Variants in TTC19 observed in about 807,000 individuals in gnomAD.
TTC19 encodes tetratricopeptide repeat protein 19, mitochondrial.
A neutral mutation model predicts 49.5 loss-of-function variants in TTC19; 38 were observed. That is an observed-to-expected ratio of 0.77 (90% CI 0.59 to 1.01). The LOEUF (loss-of-function observed/expected upper bound fraction) is 1.01. Ranked by LOEUF, TTC19 falls within the 50% of genes least tolerant of loss-of-function variation. TTC19 has a pLI of 0.00. For synonymous variants in TTC19, 204 were observed against 185.2 expected (o/e 1.10, Z -0.83); for missense variants, 475 against 477.7 (o/e 0.99, Z 0.05).
rs541260761 is a variant in TTC19 at position 16,027,621 on chromosome 17, T to G, written c.*99T>G. 1.2e-4 allele frequency: 168 copies of G among 1,438,952 alleles called. No homozygotes were observed. Among genetic ancestry groups the G allele is most frequent in the Non-Finnish European group, 1.5e-4 (159 of 1,035,190 alleles). The allele number at this position is 1,438,952 out of a possible 1,614,324, so 89.1% of individuals were successfully genotyped here. On this transcript the variant is annotated 3_prime_UTR_variant, in exon 10 of 10. Coordinates refer to ENST00000261647, the MANE Select transcript of TTC19 (RefSeq NM_017775.4). ...CGATCAATGGCTTAAATCTGTCGTT[T>G]TTGATATTCAGGTTTCCTCAATTTA...
At chr17:16,030,435 T>C (rs992608483), downstream of TTC19, 1 of 210,070 alleles carries the variant, frequency 4.8e-6, no homozygotes, top group Non-Finnish European at 9.7e-6. Context: ...TCATAATCTC[T>C]TTTATGGTAG....
At chr17:16,012,021 CTTTT>C (rs376780749) in intron 7 of TTC19, among the ~76,000 whole-genome samples, 1 of 146,548 alleles carries the variant, frequency 6.8e-6, no homozygotes. Flanking sequence ...TGAGGTTTAT[CTTTT>C]TTTTTTTCTC....
downstream of TTC19, chr17:16,032,330 G>A (rs1380127165): frequency 6.2e-7 from 1 of 1,614,086 alleles, no homozygotes; most frequent in South Asian, 1.1e-5. Flanking sequence ...CTCGTACTGT[G>A]CTGAGAGCAG....
At chr17:16,016,486 G>C (rs1971219668) in intron 7 of TTC19, among the ~76,000 whole-genome samples, 2 of 151,576 alleles carry the variant, frequency 1.3e-5, no homozygotes, top group Admixed American at 6.6e-5. Flanking sequence ...ATGTCTGTTA[G>C]GTCTAGTTGG....
At chr17:16,014,438 T>TA (rs1491324459) in intron 7 of TTC19, among the ~76,000 whole-genome samples, 2 of 152,226 alleles carry the variant, frequency 1.3e-5, no homozygotes, top group Non-Finnish European at 2.9e-5. Flanking sequence ...AGCTCCTGCT[T>TA]ATAGTTTTCT....
At chr17:16,024,462 A>ATTTTTTTTTTTTTT (rs71353766) in intron 7 of TTC19, 1 of 133,970 alleles carries the variant, frequency 7.5e-6, no homozygotes, top group African/African-American at 2.8e-5. Flanking sequence ...CGCCTGGCTA[A>ATTTTTTTTTTTTTT]TTTTTTTTTT....
chr17:16,041,861 C>T (rs548144685), intron 2 of TTC19, among the ~76,000 whole-genome samples: 44 of 152,118 alleles, frequency 2.9e-4, no homozygotes, highest in Admixed American at 4.6e-4. Flanking sequence ...CTCAGCCCCC[C>T]GAGTGGCTGG....
rs752330187 is a variant in TTC19 at position 16,034,975 on chromosome 17, T to C, written c.247+8273T>C. 5 of 1,599,708 alleles carry C rather than the reference T, an allele frequency of 3.1e-6. No homozygotes were observed. The South Asian group carries it at 4.4e-5, about 14-fold the overall frequency. On this transcript the variant is annotated intron_variant, in intron 2 of 2. Coordinates refer to the TTC19 transcript ENST00000470649. ...AGTGAAATTCAAGTTAAAGTATTAATATATTAAGTTCTCAAAAATTACCAA... is the reference window on the plus strand; with the variant it reads ...AGTGAAATTCAAGTTAAAGTATTAACATATTAAGTTCTCAAAAATTACCAA...
rs1971569510 is a variant in TTC19 at position 16,026,578 on chromosome 17, T to C, written c.870T>C (p.Asp290=). ...TGAGTGACCTGGCTACTACCCTGGA[T>C]GCACAGGGCCGCTTTGATGAGGCCT... ...VLMSDLATTL[D]AQGRFDEAYI... is the part of the protein sequence containing the mutation. The change falls in exon 9 of 10, where the codon GAT becomes GAC. Residue 290 remains aspartate (D), a synonymous_variant. Coordinates refer to ENST00000261647, the MANE Select transcript of TTC19 (RefSeq NM_017775.4). 1.2e-6 allele frequency: 2 copies of C among 1,614,212 alleles called. No individual in the cohort carries two copies. Among genetic ancestry groups the C allele is most frequent in the African/African-American group, 2.7e-5 (2 of 75,064 alleles).
At chr17:16,008,122 TCTC>T (rs1047463556) in intron 7 of TTC19, among the ~76,000 whole-genome samples, 1 of 152,184 alleles carries the variant, frequency 6.6e-6, no homozygotes, top group Non-Finnish European at 1.5e-5. Context: ...TCAGCCCTAT[TCTC>T]TTTTCTCTCT....
At chr17:16,016,351 A>C (rs1359306758) in intron 7 of TTC19, among the ~76,000 whole-genome samples, 1 of 152,140 alleles carries the variant, frequency 6.6e-6, no homozygotes, top group South Asian at 2.1e-4. Context: ...TTGTGTTCAG[A>C]GAACAACTGT....
At chr17:16,013,742 T>C (rs1971141513) in intron 7 of TTC19, among the ~76,000 whole-genome samples, 1 of 152,218 alleles carries the variant, frequency 6.6e-6, no homozygotes, top group African/African-American at 2.4e-5. Flanking sequence ...GTAAAATTCC[T>C]TCCCACATTT....
At chr17:16,003,118 G>C (rs750079299) in intron 4 of TTC19, among the ~76,000 whole-genome samples, 10 of 152,180 alleles carry the variant, frequency 6.6e-5, no homozygotes, top group Non-Finnish European at 1.3e-4. Flanking sequence ...CTGCAGGAAG[G>C]GGGAGAAGAT....
chr17:16,034,409 T>A (rs1195548063), intron 2 of TTC19, among the ~76,000 whole-genome samples: 1 of 152,042 alleles, frequency 6.6e-6, no homozygotes, highest in African/African-American at 2.4e-5. Context: ...GGCAACGTAG[T>A]GAGACCTTGT....
At chr17:16,001,890 C>T in intron 2 of TTC19, 25 bp from the exon 3 acceptor site, 1 of 1,528,614 alleles carries the variant, frequency 6.5e-7, no homozygotes. Context: ...GTTTCATTTT[C>T]TATTATTTTG....
At chr17:16,017,101 AT>A (rs1239111850) in intron 7 of TTC19, among the ~76,000 whole-genome samples, 3 of 152,200 alleles carry the variant, frequency 2.0e-5, no homozygotes, top group African/African-American at 7.2e-5. Context: ...CAGGAAAATG[AT>A]TCCTTTTTCC....
rs913903476 is a variant in TTC19 at position 16,028,801 on chromosome 17, G to GT, written c.*1280dup. On this transcript the variant is annotated 3_prime_UTR_variant, in exon 10 of 10. Coordinates refer to ENST00000261647, the MANE Select transcript of TTC19 (RefSeq NM_017775.4). ...ACACAACAATATTGTATGTATCCCA[G>GT]TAATCTTTGCATTTCTCAAAAAAAA... 3 of 328,922 alleles carry GT rather than the reference G, an allele frequency of 9.1e-6. No individual in the cohort carries two copies. Among genetic ancestry groups the GT allele is most frequent in the South Asian group, 2.0e-5 (1 of 50,310 alleles). 20.4% of individuals were successfully genotyped at this position (328,922 alleles called of 1,614,324 possible). A position where few individuals can be genotyped will look rare whatever the true frequency, so the allele number is the denominator to read the frequency against.
chr17:16,044,667 T>G, exon 3 of TTC19: 1 of 659,910 alleles, frequency 1.5e-6, no homozygotes, highest in Non-Finnish European at 2.9e-6. Context: ...GCCCTCACTC[T>G]GCATGACAAT....
chr17:16,028,837 A>AAAAAAAAAAAAAAAAAAAAAAAAT lies in TTC19; in HGVS notation c.*1324_*1325insAAAAAAAAAAAAAATAAAAAAAAA. 1 of 376,910 alleles carries AAAAAAAAAAAAAAAAAAAAAAAAT rather than the reference A, an allele frequency of 2.7e-6. No individual in the cohort carries two copies. Among genetic ancestry groups the AAAAAAAAAAAAAAAAAAAAAAAAT allele is most frequent in the South Asian group, 1.9e-5 (1 of 51,320 alleles). 23.3% of individuals were successfully genotyped at this position (376,910 alleles called of 1,614,324 possible). A position where few individuals can be genotyped will look rare whatever the true frequency, so the allele number is the denominator to read the frequency against. On this transcript the variant is annotated 3_prime_UTR_variant, in exon 10 of 10. Transcript: ENST00000261647. ...ATTTCTCAAAAAAAAAAAAAAAAAA[A>AAAAAAAAAAAAAAAAAAAAAAAAT]AAAAAAAAACTTTCTGAAGAAAATA...
Sources: allele counts gnomAD v4.1 joint callset (sites outside exome capture counted in the v4.1 genomes callset), GRCh38; gene constraint gnomAD v4.1.1; transcripts MANE v1.5; gene names NCBI Gene and HGNC (gene_info 2026-07-23, HGNC 2026-07-21).